Variants in TSNAX observed in about 807,000 individuals in gnomAD.
TSNAX encodes translin-associated protein X.
In TSNAX, 12 loss-of-function variants were observed where a neutral mutation model predicts 33.0. That is an observed-to-expected ratio of 0.36 (90% CI 0.23 to 0.59). TSNAX has a LOEUF of 0.59. Ranked by LOEUF, TSNAX falls within the 20% of genes least tolerant of loss-of-function variation. The probability of loss-of-function intolerance (pLI) is 0.74; values close to 1 mark genes in which losing one functional copy is unlikely to be tolerated. For synonymous variants in TSNAX, 110 were observed against 117.2 expected (o/e 0.94, Z 0.40); for missense variants, 267 against 341.3 (o/e 0.78, Z 1.72).
At chr1:231,556,604 T>C (rs542629123) in intron 4 of TSNAX, among the ~76,000 whole-genome samples, 1 of 152,344 alleles carries the variant, frequency 6.6e-6, no homozygotes, top group East Asian at 1.9e-4. Context: ...CTGCTTATCC[T>C]GTTTGTTGAA....
At chr1:231,533,742 T>A (rs1658949319) in intron 2 of TSNAX, among the ~76,000 whole-genome samples, 1 of 152,016 alleles carries the variant, frequency 6.6e-6, no homozygotes, top group African/African-American at 2.4e-5. Flanking sequence ...GCTTTATTAT[T>A]CTCTCTATAT....
At chr1:231,561,803 G>A (rs911778184) in intron 5 of TSNAX, among the ~76,000 whole-genome samples, 6 of 152,114 alleles carry the variant, frequency 3.9e-5, no homozygotes, top group Non-Finnish European at 1.5e-5. Flanking sequence ...TGTTTTAAAG[G>A]ATTTGACTTA....
chr1:231,562,547 A>G (rs904835801), intron 5 of TSNAX, among the ~76,000 whole-genome samples: 1 of 152,114 alleles, frequency 6.6e-6, no homozygotes, highest in Non-Finnish European at 1.5e-5. Flanking sequence ...TTCTCACGTG[A>G]TATTAGGGAA....
chr1:231,554,063 A>G (rs1222869618), intron 4 of TSNAX, among the ~76,000 whole-genome samples: 2 of 152,150 alleles, frequency 1.3e-5, no homozygotes, highest in Non-Finnish European at 2.9e-5. Context: ...TTCAAGGACA[A>G]CTTATATAAT....
intron 4 of TSNAX, chr1:231,542,880 A>G (rs147799588): frequency 7.4e-6 from 2 of 269,794 alleles, no homozygotes; most frequent in Non-Finnish European, 1.4e-5. Context: ...AGTATGTAGG[A>G]TGTGTTCAGA....
chr1:231,530,693 A>G (rs193286839), intron 2 of TSNAX, among the ~76,000 whole-genome samples: 20 of 150,714 alleles, frequency 1.3e-4, no homozygotes, highest in African/African-American at 3.4e-4. Context: ...CCTGGGCAAC[A>G]GAGCGAGGCT....
chr1:231,539,398 A>T (rs1412280455), intron 3 of TSNAX, among the ~76,000 whole-genome samples: 1 of 152,194 alleles, frequency 6.6e-6, no homozygotes, highest in East Asian at 1.9e-4. Flanking sequence ...TTATCTGGAA[A>T]TCTGAAATCT....
chr1:231,530,960 G>GT (rs71179783), intron 2 of TSNAX, among the ~76,000 whole-genome samples: 3,061 of 139,176 alleles, frequency 0.022, 94 homozygotes, highest in African/African-American at 0.069. Flanking sequence ...CAGTTTTTTG[G>GT]TTTTTTTTTT....
At chr1:231,533,273 A>G (rs1476620690) in intron 2 of TSNAX, among the ~76,000 whole-genome samples, 1 of 152,008 alleles carries the variant, frequency 6.6e-6, no homozygotes, top group Non-Finnish European at 1.5e-5. Flanking sequence ...TAATTTTTGT[A>G]TTTTTAGTAG....
At chr1:231,530,415 C>T (rs1453221195) in intron 2 of TSNAX, among the ~76,000 whole-genome samples, 1 of 152,172 alleles carries the variant, frequency 6.6e-6, no homozygotes, top group African/African-American at 2.4e-5. Context: ...GGAGTTGCGG[C>T]TGGGTGTGGT....
intron 4 of TSNAX, chr1:231,554,672 A>G (rs767269397): frequency 5.3e-5 from 8 of 152,326 alleles, no homozygotes; most frequent in South Asian, 2.1e-4. Context: ...ACATGGAATC[A>G]TGAAAGTATA....
intron 4 of TSNAX, among the ~76,000 whole-genome samples, chr1:231,552,599 A>G (rs768022838): frequency 6.6e-6 from 1 of 152,240 alleles, no homozygotes; most frequent in Non-Finnish European, 1.5e-5. Context: ...TTGAGACATT[A>G]CATACCACAT....
intron 2 of TSNAX, chr1:231,536,372 T>A (rs532336941): frequency 6.6e-6 from 1 of 152,350 alleles, no homozygotes; most frequent in East Asian, 1.9e-4. Flanking sequence ...ACGGGCTAAC[T>A]AGATTTTTAC....
In TSNAX at chr1:231,546,576, C is replaced by G. The variant is rs183041512; in HGVS notation, c.367+3965C>G. Among the ~76,000 whole-genome samples the G allele has an allele frequency of 2.6e-5, 4 of 152,174 alleles. No homozygotes were observed. The East Asian group carries it at 7.7e-4, about 29-fold the overall frequency. On this transcript the variant is annotated intron_variant, in intron 4 of 5. Transcript: ENST00000366639. ...GAGTGTAGTGGATGGAATAATATAG[C>G]TAAAAATTGAATTTATCTGTTAATG...
chr1:231,552,594 A>T (rs546441994), intron 4 of TSNAX, among the ~76,000 whole-genome samples: 12 of 152,350 alleles, frequency 7.9e-5, no homozygotes, highest in African/African-American at 2.6e-4. Context: ...AAAAATTGAG[A>T]CATTACATAC....
At chr1:231,559,279 C>T (rs1277814061) in intron 4 of TSNAX, among the ~76,000 whole-genome samples, 1 of 151,786 alleles carries the variant, frequency 6.6e-6, no homozygotes, top group Non-Finnish European at 1.5e-5. Context: ...CAGATTAAGA[C>T]ATCAAATAAT....
At chr1:231,553,828 A>G (rs113014950) in intron 4 of TSNAX, among the ~76,000 whole-genome samples, 29 of 152,158 alleles carry the variant, frequency 1.9e-4, no homozygotes, top group African/African-American at 6.7e-4. Flanking sequence ...CTGGGATTAC[A>G]GGCATGTGCC....
At chr1:231,552,546 C>T (rs1660388238) in intron 4 of TSNAX, among the ~76,000 whole-genome samples, 1 of 112,186 alleles carries the variant, frequency 8.9e-6, no homozygotes, top group Non-Finnish European at 1.7e-5. Flanking sequence ...TTTAAAAATT[C>T]ATGTGGTACC....
chr1:231,562,677 T>A (rs924586816), intron 5 of TSNAX, among the ~76,000 whole-genome samples: 2 of 152,186 alleles, frequency 1.3e-5, no homozygotes, highest in South Asian at 2.1e-4. Context: ...ATTTTAAGAT[T>A]ATGGGGCTAT....
Sources: allele counts gnomAD v4.1 joint callset (sites outside exome capture counted in the v4.1 genomes callset), GRCh38; gene constraint gnomAD v4.1.1; transcripts MANE v1.5; gene names NCBI Gene and HGNC (gene_info 2026-07-23, HGNC 2026-07-21).